Variants in WDR62 observed in about 807,000 individuals in gnomAD.
WDR62 encodes the protein WD repeat domain 62.
A neutral mutation model predicts 160.6 loss-of-function variants in WDR62; 112 were observed. The ratio of observed to expected loss-of-function variants is 0.70; its 90% CI spans 0.60 to 0.82. The LOEUF is 0.82. Ranked by LOEUF, WDR62 falls within the 40% of genes least tolerant of loss-of-function variation. WDR62 has a pLI of 0.00. For missense variants in WDR62, 1,819 were observed against 1,983.8 expected, an observed-to-expected ratio of 0.92 and a Z score of 1.58; for synonymous variants, 792 against 815.1, an observed-to-expected ratio of 0.97 and a Z score of 0.48.
Position 36,060,172 on chromosome 19 carries a change from GGTGCTGTTCCGT to G in WDR62, c.332+149_332+160del, listed in dbSNP as rs1307636185. On this transcript the variant is annotated intron_variant, in intron 3 of 31. Transcript: ENST00000401500. ...GGCTCAGCAGCATTCGCCTGTGCTG[GGTGCTGTTCCGT>G]GTGCTGGGGACACAGCAGTGACCAG... 6.9e-6 allele frequency: 6 copies of G among 866,376 alleles called. No individual in the cohort carries two copies. The African/African-American group carries it at 9.8e-5, about 14-fold the overall frequency. 53.7% of individuals were successfully genotyped at this position (866,376 alleles called of 1,614,324 possible).
chr19:36,065,764 C>A (rs1970903203), intron 3 of WDR62, among the ~76,000 whole-genome samples, 194 bp from the exon 4 acceptor site: 1 of 152,204 alleles, frequency 6.6e-6, no homozygotes, highest in Admixed American at 6.5e-5. Context: ...TTTGCATTTA[C>A]CCCCATTTCT....
In WDR62 at chr19:36,105,072, A is replaced by AGGT. The variant is rs1568375730; in HGVS notation, c.*45_*47dup. 6.4e-7 allele frequency: 1 copy of AGGT among 1,571,058 alleles called. No individual in the cohort carries two copies. Among genetic ancestry groups the AGGT allele is most frequent in the Non-Finnish European group, 8.6e-7 (1 of 1,165,832 alleles). On this transcript the variant is annotated 3_prime_UTR_variant, in exon 32 of 32. Coordinates refer to ENST00000401500, the MANE Select transcript of WDR62 (RefSeq NM_001083961.2). Reference sequence around the variant, plus strand: ...GCAGCCCTGCTGCTTCTGAGGACTTAGGTATTTTAAGCGAATAAACTGACA... The same window carrying AGGT: ...GCAGCCCTGCTGCTTCTGAGGACTTAGGTGGTATTTTAAGCGAATAAACTGACA...
In WDR62 at chr19:36,060,001, C is replaced by T. The variant is rs139371621; in HGVS notation, c.303C>T (p.Asn101=). ...TGGTGATTTTGGACCCCAAGGAGAA[C>T]AAGCAGCAGCACATCTTTAACACCG... The part of the protein sequence containing the change: ...CVVVILDPKE[N]KQQHIFNTAR... The change falls in exon 3 of 32, where the codon AAC becomes AAT. Residue 101 remains asparagine (N), a synonymous_variant. Transcript: ENST00000401500. The T allele has an allele frequency of 1.2e-6, 2 of 1,614,190 alleles. No individual in the cohort carries two copies. Among genetic ancestry groups the T allele is most frequent in the Admixed American group, 1.7e-5 (1 of 60,024 alleles).
intron 5 of WDR62, among the ~76,000 whole-genome samples, chr19:36,066,831 T>C (rs1970968410): frequency 6.6e-6 from 1 of 152,180 alleles, no homozygotes; most frequent in Admixed American, 6.5e-5. Flanking sequence ...CATAACCCAC[T>C]ATGTGACCTT....
At chr19:36,073,244 G>T in intron 8 of WDR62, 98 bp from the exon 9 acceptor site, 1 of 1,110,442 alleles carries the variant, frequency 9.0e-7, no homozygotes, top group East Asian at 2.4e-5. Flanking sequence ...ATACCATGAG[G>T]GATGGCATTG....
rs142666633 is a variant in WDR62 at position 36,099,658 on chromosome 19, C to T, written c.2739+41C>T. The T allele has an allele frequency of 4.6e-4, 741 of 1,602,140 alleles. 4 individuals carry two copies. In the African/African-American group the frequency reaches 7.1e-3, roughly 15 times the overall value. ...GCAGCCTGGCCCATAGCCCCGGCAC[C>T]GTGACGGCCCCAGGGCCTGGCGCCT... On this transcript the variant is annotated intron_variant, in intron 22 of 31. Transcript: ENST00000401500.
chr19:36,079,069 TG>T (rs1293223732), intron 9 of WDR62, among the ~76,000 whole-genome samples: 1 of 151,962 alleles, frequency 6.6e-6, no homozygotes, highest in African/African-American at 2.4e-5. Flanking sequence ...CTTTTTTTTG[TG>T]GGGGTGGGGT....
At chr19:36,097,205 A>G in intron 21 of WDR62, 126 bp downstream of exon 21, 1 of 880,478 alleles carries the variant, frequency 1.1e-6, no homozygotes, top group South Asian at 1.4e-5. Context: ...TCATCCTTCC[A>G]GGCTCAGTGA....
rs1973534075 is a variant in WDR62 at position 36,103,618 on chromosome 19, G to A, written c.3790G>A (p.Glu1264Lys). The change falls in exon 30 of 32, where the codon GAG (glutamate) becomes AAG (lysine). Residue 1264 changes from glutamate (E) to lysine (K), a missense_variant. Around this residue, in one of 3 missense-constraint regions of WDR62, gnomAD observed 770 missense variants for 734.2 expected, o/e 1.05. Coordinates refer to ENST00000401500, the MANE Select transcript of WDR62 (RefSeq NM_001083961.2). ...SVGELASLGQ[E>K]LQAITTATTP... ...TGGGGAGCTGGCCTCCTTGGGCCAGGAGCTTCAGGCCATCACCACCGCGAC... is the reference window on the plus strand; with the variant it reads ...TGGGGAGCTGGCCTCCTTGGGCCAGAAGCTTCAGGCCATCACCACCGCGAC... The A allele has an allele frequency of 8.1e-6, 13 of 1,610,756 alleles. No individual in the cohort carries two copies. Among genetic ancestry groups the A allele is most frequent in the Non-Finnish European group, 1.1e-5 (13 of 1,179,582 alleles).
chr19:36,071,181 G>A (rs574677082), intron 7 of WDR62: 120 of 257,398 alleles, frequency 4.7e-4, no homozygotes, highest in Middle Eastern at 3.1e-3. Context: ...TCCAGCCTGG[G>A]CGCAACAAAA....
At position 36,089,063 on chromosome 19, in the gene WDR62, C is replaced by G. The variant is rs1972427436; in HGVS notation, c.1794C>G (p.Ser598Arg). The change falls in exon 14 of 32, where the codon AGC becomes AGG. Residue 598 changes from serine (S) to arginine (R), a missense_variant. Ser to Arg is a moderately radical substitution (Grantham distance 110). This residue lies in a region of WDR62 where 934 missense variants were observed against 1,157.2 expected (regional missense o/e 0.81). Coordinates refer to ENST00000401500, the MANE Select transcript of WDR62 (RefSeq NM_001083961.2). ...GCAACAGAGACATCCAGATGATCAGCTGTGGGGCTGACAAGAGCATCTACT... is the reference window on the plus strand; with the variant it reads ...GCAACAGAGACATCCAGATGATCAGGTGTGGGGCTGACAAGAGCATCTACT... ...FAGNRDIQMI[S>R]CGADKSIYFR... is the part of the protein sequence containing the mutation. 3.7e-6 allele frequency: 6 copies of G among 1,614,136 alleles called. No homozygotes were observed. The highest frequency in any genetic ancestry group is 4.2e-6 in the Non-Finnish European group (5 of 1,180,034).
chr19:36,072,795 C>T (rs1971368650), intron 8 of WDR62, among the ~76,000 whole-genome samples: 1 of 152,170 alleles, frequency 6.6e-6, no homozygotes, highest in Admixed American at 6.5e-5. Context: ...GGTGACTATA[C>T]CTCCCTGTGC....
Position 36,073,482 on chromosome 19 carries a change from G to A in WDR62, c.1184G>A (p.Gly395Asp), listed in dbSNP as rs1971408716. The change falls in exon 9 of 32, where the codon GGC (glycine) becomes GAC (aspartate). Residue 395 changes from glycine (G) to aspartate (D), a missense_variant. By Grantham distance (94) the Gly-to-Asp change is moderately conservative (BLOSUM62 -1). Transcript: ENST00000401500. ...IWDVKDINRV[G>D]KVWSELFHSS... The stretch of plus-strand genomic sequence containing the variant: ...GATGTCAAGGACATCAACAGAGTGG[G>A]CAAGGTGTGGTCAGAGCTCTTCCAC... 1 of 1,614,122 alleles carries A rather than the reference G, an allele frequency of 6.2e-7. No homozygotes were observed. The highest frequency in any genetic ancestry group is 1.3e-5 in the African/African-American group (1 of 75,022).
At chr19:36,069,054 G>A (rs1971113978) in intron 7 of WDR62, among the ~76,000 whole-genome samples, 1 of 151,742 alleles carries the variant, frequency 6.6e-6, no homozygotes, top group African/African-American at 2.4e-5. Flanking sequence ...CTCCTGGACG[G>A]GGCGGCTGGC....
Position 36,073,703 on chromosome 19 carries a change from C to G in WDR62, c.1233+172C>G, listed in dbSNP as rs950798772. The stretch of plus-strand genomic sequence containing the variant: ...ACAAAATCCCTGCCCTTAACAAGCT[C>G]ACATTTGGATGGGAAAGGAAACCTG... On this transcript the variant is annotated intron_variant, in intron 9 of 31. Transcript: ENST00000401500. The G allele has an allele frequency of 3.2e-5, 22 of 697,608 alleles. No homozygotes were observed. The Admixed American group carries it at 4.4e-4, about 14-fold the overall frequency. The allele number at this position is 697,608 out of a possible 1,614,324, so 43.2% of individuals were successfully genotyped here.
intron 11 of WDR62, 90 bp downstream of exon 11, chr19:36,083,331 T>C: frequency 7.7e-7 from 1 of 1,298,414 alleles, no homozygotes; most frequent in Non-Finnish European, 1.1e-6. Context: ...CCTTGGCACC[T>C]CCTGCTGCCC....
At chr19:36,105,156 G>GGAA, downstream of WDR62, 1 of 1,236,478 alleles carries the variant, frequency 8.1e-7, no homozygotes, top group Non-Finnish European at 1.1e-6. Flanking sequence ...CTCTTCAAGT[G>GGAA]GAAGTGGGGA....
chr19:36,098,329 G>A (rs969993951), intron 21 of WDR62, among the ~76,000 whole-genome samples: 7 of 151,946 alleles, frequency 4.6e-5, no homozygotes, highest in African/African-American at 1.7e-4. Context: ...CACTTTGGGA[G>A]GCCAAGGCGG....
At chr19:36,073,565 G>C in intron 9 of WDR62, 34 bp downstream of exon 9, 1 of 1,550,110 alleles carries the variant, frequency 6.5e-7, no homozygotes, top group South Asian at 1.1e-5. Context: ...GCCCCTGCTT[G>C]GCCTCTGCAC....
Sources: gnomAD v4.1 joint callset for allele counts (sites outside exome capture counted in the v4.1 genomes callset) on GRCh38, gnomAD v4.1.1 for gene constraint, gnomAD v4.1.1 regional missense constraint, MANE v1.5 for transcripts, NCBI Gene and HGNC (gene_info 2026-07-23, HGNC 2026-07-21) for gene names.